Variants in SLC4A5 observed in about 807,000 individuals in gnomAD.
SLC4A5 encodes electrogenic sodium bicarbonate cotransporter 4.
A neutral mutation model predicts 120.4 loss-of-function variants in SLC4A5; 96 were observed. That is an observed-to-expected ratio of 0.80 (90% CI 0.68 to 0.94). The LOEUF is 0.94. SLC4A5 is among the 40% of genes least tolerant of loss of function. The pLI, the probability that SLC4A5 is intolerant of heterozygous loss-of-function variation, is 0.00. For synonymous variants in SLC4A5, 550 were observed against 571.1 expected, an observed-to-expected ratio of 0.96 and a Z score of 0.53; for missense variants, 1,259 against 1,459.5, an observed-to-expected ratio of 0.86 and a Z score of 2.24.
intron 4 of SLC4A5, 149 bp from the exon 5 acceptor site, chr2:74,328,335 G>A (rs1673267845): frequency 9.2e-6 from 2 of 217,998 alleles, no homozygotes; most frequent in Admixed American, 6.5e-5. Context: ...TGGATGCCTG[G>A]TTGACTGACA....
chr2:74,320,380 T>C (rs1673066460), intron 5 of SLC4A5, among the ~76,000 whole-genome samples: 1 of 152,114 alleles, frequency 6.6e-6, no homozygotes, highest in Non-Finnish European at 1.5e-5. Flanking sequence ...ACTTCATGGA[T>C]AAAGAAATCT....
At chr2:74,232,601 A>G (rs1156742150) in exon 24 of SLC4A5, 1 of 1,613,920 alleles carries the variant, frequency 6.2e-7, no homozygotes, top group Non-Finnish European at 8.5e-7. Context: ...GCACAAAGCC[A>G]TGAGGATGCC....
At chr2:74,225,045 G>C (rs781343801) in intron 27 of SLC4A5, 50 bp from the exon 28 acceptor site, 3 of 1,569,524 alleles carry the variant, frequency 1.9e-6, no homozygotes, top group Non-Finnish European at 2.6e-6. Flanking sequence ...GAAAACTGTG[G>C]TCTCAATGCC....
At chr2:74,318,684 CAA>C (rs775042763) in intron 5 of SLC4A5, among the ~76,000 whole-genome samples, 9 of 90,008 alleles carry the variant, frequency 1.0e-4, no homozygotes, top group Admixed American at 1.2e-4. Context: ...CTCTGTCTCA[CAA>C]AAAAAAAAAA....
intron 11 of SLC4A5, among the ~76,000 whole-genome samples, chr2:74,260,863 C>A (rs538814538): frequency 6.6e-6 from 1 of 152,330 alleles, no homozygotes; most frequent in South Asian, 2.1e-4. Flanking sequence ...TTGCTGGGTG[C>A]ACAAGGCCCT....
At chr2:74,325,417 A>G (rs1336706631) in intron 5 of SLC4A5, among the ~76,000 whole-genome samples, 1 of 152,166 alleles carries the variant, frequency 6.6e-6, no homozygotes, top group Non-Finnish European at 1.5e-5. Context: ...ACTTCTCACA[A>G]CTTGAGAGAA....
intron 11 of SLC4A5, among the ~76,000 whole-genome samples, chr2:74,261,091 G>A (rs1004099683): frequency 1.3e-5 from 2 of 152,146 alleles, no homozygotes; most frequent in African/African-American, 4.8e-5. Context: ...CTTCCCCTGT[G>A]CGCTGTGTTC....
intron 9 of SLC4A5, 120 bp from the exon 10 acceptor site, chr2:74,264,419 C>T (rs952581359): frequency 8.4e-7 from 1 of 1,183,544 alleles, no homozygotes; most frequent in Non-Finnish European, 1.2e-6. Flanking sequence ...TGGAAGTACT[C>T]CTGGCTTTGC....
Position 74,327,616 on chromosome 2 carries a change from A to G in SLC4A5, c.-3+504T>C, listed in dbSNP as rs576065873. The stretch of plus-strand genomic sequence containing the variant: ...CAAAACCTAAAAACAAAAATGTGTA[A>G]TGAAAGGAGACTAGCCATTATTCTG... On this transcript the variant is annotated intron_variant, in intron 5 of 30. Coordinates refer to ENST00000394019, the Ensembl canonical transcript of SLC4A5. Among the ~76,000 whole-genome samples the G allele has an allele frequency of 3.6e-4, 55 of 152,342 alleles. No individual in the cohort carries two copies. In the South Asian group the frequency reaches 0.011, roughly 32 times the overall value.
intron 5 of SLC4A5, among the ~76,000 whole-genome samples, chr2:74,326,917 T>A (rs1365135506): frequency 6.6e-6 from 1 of 152,022 alleles, no homozygotes; most frequent in African/African-American, 2.4e-5. Flanking sequence ...AGCAAGGTGG[T>A]GGTGACACAG....
chr2:74,232,768 G>A, intron 23 of SLC4A5, 121 bp from the exon 24 acceptor site: 1 of 1,253,544 alleles, frequency 8.0e-7, no homozygotes, highest in Non-Finnish European at 1.1e-6. Flanking sequence ...GAAGGGGCCT[G>A]AGGTGCTCCT....
At chr2:74,318,455 T>TG (rs992412605) in intron 5 of SLC4A5, among the ~76,000 whole-genome samples, 10 of 151,260 alleles carry the variant, frequency 6.6e-5, no homozygotes, top group African/African-American at 2.4e-5. Context: ...GAGGCAGAGG[T>TG]GGGGGGGATG....
intron 7 of SLC4A5, among the ~76,000 whole-genome samples, chr2:74,288,522 T>C (rs2104186120): frequency 6.6e-6 from 1 of 152,280 alleles, no homozygotes; most frequent in South Asian, 2.1e-4. Flanking sequence ...AACGTGGCAG[T>C]TTCTTGATAT....
At chr2:74,256,653 C>G (rs1455607009) in intron 12 of SLC4A5, among the ~76,000 whole-genome samples, 3 of 152,214 alleles carry the variant, frequency 2.0e-5, no homozygotes, top group Admixed American at 6.5e-5. Flanking sequence ...AAGCCCTCCA[C>G]CCAAATGTAT....
In SLC4A5 at chr2:74,223,734, GTC is replaced by G. The variant is rs1395018693; in HGVS notation, c.3247-784_3247-783del. 3.3e-5 allele frequency among the ~76,000 whole-genome samples: 5 copies of G among 152,306 alleles called. No individual in the cohort carries two copies. The South Asian group carries it at 8.3e-4, about 25-fold the overall frequency. On this transcript the variant is annotated intron_variant, in intron 28 of 30. Transcript: ENST00000394019. ...AGTATTTGTCTTTAAAAGGCACTTA[GTC>G]TCTGTTTCTTTGTTTTCAGAACCCA... is the stretch of plus-strand genomic sequence containing the variant.
chr2:74,309,472 T>C (rs1672742065), intron 6 of SLC4A5, among the ~76,000 whole-genome samples: 1 of 152,194 alleles, frequency 6.6e-6, no homozygotes, highest in South Asian at 2.1e-4. Context: ...TCTTCAACTT[T>C]GTACTTTTTC....
At chr2:74,279,341 C>A (rs541443851) in intron 8 of SLC4A5, among the ~76,000 whole-genome samples, 2 of 152,186 alleles carry the variant, frequency 1.3e-5, no homozygotes, top group Non-Finnish European at 2.9e-5. Context: ...TCAGTTCTTG[C>A]GGTACTTCTT....
Position 74,315,040 on chromosome 2 carries a change from G to GTC in SLC4A5, c.-2-16_-2-15insGA, listed in dbSNP as rs1672921268. On this transcript the variant is annotated splice_polypyrimidine_tract_variant and intron_variant, in intron 5 of 30. Transcript: ENST00000394019. ...CACCTTCATGACTATAAAGTAAAAG[G>GTC]AACACAGCCTCAAAATGTATACATT... The GTC allele has an allele frequency of 1.2e-6, 2 of 1,603,700 alleles. No homozygotes were observed. Among genetic ancestry groups the GTC allele is most frequent in the East Asian group, 4.5e-5 (2 of 44,830 alleles).
At chr2:74,250,319 C>T (rs750927527) in intron 17 of SLC4A5, 24 bp downstream of exon 17, 3 of 1,606,802 alleles carry the variant, frequency 1.9e-6, no homozygotes, top group Non-Finnish European at 2.6e-6. Flanking sequence ...TACTTTTACA[C>T]TCAGGGCACC....
Sources: gnomAD v4.1 joint callset for allele counts (sites outside exome capture counted in the v4.1 genomes callset) on GRCh38, gnomAD v4.1.1 for gene constraint, MANE v1.5 for transcripts, NCBI Gene and HGNC (gene_info 2026-07-23, HGNC 2026-07-21) for gene names.